SLC30A6: variants seen among roughly 807,000 people sequenced by gnomAD.
The protein encoded by SLC30A6 is solute carrier family 30 member 6.
Under a neutral mutation model 63.0 loss-of-function variants are expected in SLC30A6, and 55 were observed. The observed-to-expected ratio is 0.87, with a 90% CI of 0.70 to 1.09. The LOEUF is 1.09. Ranked by LOEUF, SLC30A6 falls within the 50% of genes least tolerant of loss-of-function variation. The pLI, the probability that SLC30A6 is intolerant of heterozygous loss-of-function variation, is 0.00. For missense variants in SLC30A6, 587 were observed against 549.2 expected, an observed-to-expected ratio of 1.07 and a Z score of -0.69; for synonymous variants, 224 against 186.1, an observed-to-expected ratio of 1.20 and a Z score of -1.66.
intron 6 of SLC30A6, 58 bp downstream of exon 6, chr2:32,192,474 A>G (rs1683419002): frequency 1.2e-5 from 18 of 1,462,878 alleles, no homozygotes; most frequent in Non-Finnish European, 1.6e-5. Flanking sequence ...GGAACATGAA[A>G]GAAACCCGTC....
intron 2 of SLC30A6, among the ~76,000 whole-genome samples, chr2:32,172,622 C>T (rs1457275839): frequency 6.6e-6 from 1 of 152,210 alleles, no homozygotes; most frequent in South Asian, 2.1e-4. Flanking sequence ...TTCTACTCTA[C>T]TTGCATCTAA....
chr2:32,216,371 A>G lies in SLC30A6; in HGVS notation c.886-3842A>G, dbSNP rs150190684. 9.2e-3 allele frequency among the ~76,000 whole-genome samples: 1,404 copies of G among 152,074 alleles called. 21 individuals are homozygous for G. The highest frequency in any genetic ancestry group is 0.032 in the African/African-American group (1,344 of 41,474). On this transcript the variant is annotated intron_variant, in intron 13 of 13. Coordinates refer to ENST00000282587, the MANE Select transcript of SLC30A6 (RefSeq NM_017964.5). The stretch of plus-strand genomic sequence containing the variant: ...GCCAACATAGCGAAATCCTATCTCT[A>G]CTAAAAATACTAAAATTAGCTGGGC...
At chr2:32,220,187 C>G in intron 13 of SLC30A6, 26 bp from the exon 14 acceptor site, 1 of 1,587,852 alleles carries the variant, frequency 6.3e-7, no homozygotes, top group Non-Finnish European at 8.6e-7. Flanking sequence ...TAAGCAATCT[C>G]TTTGTTATGA....
chr2:32,175,754 T>C (rs1409711291), intron 4 of SLC30A6, among the ~76,000 whole-genome samples: 3 of 152,052 alleles, frequency 2.0e-5, no homozygotes, highest in Non-Finnish European at 4.4e-5. Context: ...GGCGGGTGGA[T>C]CACTTGAGGT....
rs66665816 is a variant in SLC30A6 at position 32,215,518 on chromosome 2, T to TATATATA, written c.886-4695_886-4694insATATATA. Among the ~76,000 whole-genome samples, 332 of 93,224 alleles carry TATATATA rather than the reference T, an allele frequency of 3.6e-3. 3 individuals carry two copies. Among genetic ancestry groups the TATATATA allele is most frequent in the African/African-American group, 0.015 (316 of 20,660 alleles). The allele number at this position is 93,224 out of a possible 152,430, so 61.2% of individuals were successfully genotyped here. ...CCATCTATTATATATATATATATAT[T>TATATATA]TTTTTTTTTTTTTTAAGTTCTTATT... On this transcript the variant is annotated intron_variant, in intron 13 of 13. Coordinates refer to ENST00000282587, the MANE Select transcript of SLC30A6 (RefSeq NM_017964.5).
chr2:32,192,749 C>T (rs1233019547), intron 6 of SLC30A6, among the ~76,000 whole-genome samples, 169 bp from the exon 7 acceptor site: 1 of 151,962 alleles, frequency 6.6e-6, no homozygotes, highest in Non-Finnish European at 1.5e-5. Flanking sequence ...AAAAAGAAAA[C>T]AACTAAAAAG....
chr2:32,214,440 T>C (rs994812396), intron 13 of SLC30A6: 2 of 152,302 alleles, frequency 1.3e-5, no homozygotes, highest in Non-Finnish European at 2.9e-5. Context: ...TTTATTTTTT[T>C]AATTAATTAA....
intron 1 of SLC30A6, among the ~76,000 whole-genome samples, chr2:32,170,211 G>A (rs1681075764): frequency 6.6e-6 from 1 of 152,060 alleles, no homozygotes; most frequent in South Asian, 2.1e-4. Flanking sequence ...CTTCAGTCAA[G>A]TACTCTATAA....
chr2:32,212,249 T>C (rs896470390), intron 13 of SLC30A6, among the ~76,000 whole-genome samples: 6 of 152,044 alleles, frequency 3.9e-5, no homozygotes, highest in Non-Finnish European at 8.8e-5. Flanking sequence ...ATTTCTAAGG[T>C]TTTCTAATTC....
chr2:32,217,556 G>T lies in SLC30A6; in HGVS notation c.886-2657G>T, dbSNP rs187367860. Among the ~76,000 whole-genome samples the T allele has an allele frequency of 7.9e-3, 1,196 of 152,020 alleles. 18 individuals carry two copies. Among genetic ancestry groups the T allele is most frequent in the Non-Finnish European group, 0.012 (803 of 67,972 alleles). On this transcript the variant is annotated intron_variant, in intron 13 of 13. Transcript: ENST00000282587. ...TCTTTGGCTATTTGGGCTCTTTTTT[G>T]GTTCCATATGTATTTTAAAATATTT... is the stretch of plus-strand genomic sequence containing the variant.
In SLC30A6 at chr2:32,206,880, C is replaced by G; in HGVS notation, c.769-6C>G. ...ATTATTCATATTTTATTGTATTTTT[C>G]CCCAGACAACACCACCCCATGTTAT... On this transcript the variant is annotated splice_region_variant and splice_polypyrimidine_tract_variant and intron_variant, in intron 11 of 13. Coordinates refer to ENST00000282587, the MANE Select transcript of SLC30A6 (RefSeq NM_017964.5). The G allele has an allele frequency of 6.2e-7, 1 of 1,609,956 alleles. No homozygotes were observed. The highest frequency in any genetic ancestry group is 8.5e-7 in the Non-Finnish European group (1 of 1,176,484).
chr2:32,197,915 C>A, intron 10 of SLC30A6, 89 bp downstream of exon 10: 2 of 1,502,624 alleles, frequency 1.3e-6, no homozygotes, highest in Non-Finnish European at 1.8e-6. Context: ...GGTCAAGCTT[C>A]TAGCAGTTTC....
intron 12 of SLC30A6, among the ~76,000 whole-genome samples, chr2:32,207,703 T>C (rs2148890527): frequency 7.5e-6 from 1 of 133,718 alleles, no homozygotes; most frequent in East Asian, 2.1e-4. Context: ...TTTTTTTTTT[T>C]TTTTTTTTTT....
chr2:32,215,503 T>TAC (rs1685618909), intron 13 of SLC30A6, among the ~76,000 whole-genome samples: 1 of 91,480 alleles, frequency 1.1e-5, no homozygotes, highest in Non-Finnish European at 2.3e-5. Context: ...CCATCTATTA[T>TAC]ATATATATAT....
intron 12 of SLC30A6, among the ~76,000 whole-genome samples, chr2:32,207,568 G>A (rs1331590651): frequency 6.6e-6 from 1 of 151,874 alleles, no homozygotes; most frequent in Non-Finnish European, 1.5e-5. Context: ...GTGGAGACAG[G>A]GTTTCGCTGT....
chr2:32,212,894 A>ATTTTTTTTTTTTT lies in SLC30A6; in HGVS notation c.885+3348_885+3360dup, dbSNP rs10522618. Among the ~76,000 whole-genome samples the ATTTTTTTTTTTTT allele has an allele frequency of 1.9e-4, 23 of 118,238 alleles. 1 individual carries two copies. Among genetic ancestry groups the ATTTTTTTTTTTTT allele is most frequent in the South Asian group, 9.3e-4 (3 of 3,226 alleles). The allele number at this position is 118,238 out of a possible 152,430, so 77.6% of individuals were successfully genotyped here. A position where few individuals can be genotyped will look rare whatever the true frequency, so the allele number is the denominator to read the frequency against. On this transcript the variant is annotated intron_variant, in intron 13 of 13. Coordinates refer to ENST00000282587, the MANE Select transcript of SLC30A6 (RefSeq NM_017964.5). ...ACAGGAGTGAGCCACTGTGTCCAGC[A>ATTTTTTTTTTTTT]TTTTTTTTTTTTTTTTTTTTTTTTT...
intron 13 of SLC30A6, among the ~76,000 whole-genome samples, chr2:32,216,322 G>C (rs1050122025): frequency 2.0e-5 from 3 of 152,040 alleles, no homozygotes; most frequent in African/African-American, 7.2e-5. Context: ...GATCACCTGA[G>C]GTCAGGAGTT....
At chr2:32,196,854 A>T (rs1253763745) in intron 8 of SLC30A6, among the ~76,000 whole-genome samples, 1 of 152,202 alleles carries the variant, frequency 6.6e-6, no homozygotes, top group Non-Finnish European at 1.5e-5. Flanking sequence ...TGAGGTCAGG[A>T]GTTCAAGACC....
chr2:32,201,000 G>C (rs1684242913), intron 10 of SLC30A6, among the ~76,000 whole-genome samples: 1 of 152,066 alleles, frequency 6.6e-6, no homozygotes, highest in Non-Finnish European at 1.5e-5. Context: ...GGGTTTTCAT[G>C]CCCCTGCACA....
Sources: gnomAD v4.1 joint callset for allele counts (sites outside exome capture counted in the v4.1 genomes callset) on GRCh38, gnomAD v4.1.1 for gene constraint, MANE v1.5 for transcripts, NCBI Gene and HGNC (gene_info 2026-07-23, HGNC 2026-07-21) for gene names.